C10orf67: variants seen among roughly 807,000 people sequenced by gnomAD.
C10orf67 encodes chromosome 10 open reading frame 67.
A neutral mutation model predicts 35.6 loss-of-function variants in C10orf67; 60 were observed. That is an observed-to-expected ratio of 1.68 (90% CI 1.37 to 2.09). The LOEUF is 2.09. Ranked by LOEUF, C10orf67 falls within the 30% of genes most tolerant of loss-of-function variation. C10orf67 has a pLI of 0.00. For synonymous variants in C10orf67, 167 were observed against 115.8 expected, an observed-to-expected ratio of 1.44 and a Z score of -2.84; for missense variants, 474 against 330.2, an observed-to-expected ratio of 1.44 and a Z score of -3.38.
intron 15 of C10orf67, among the ~76,000 whole-genome samples, chr10:23,210,405 G>A (rs1841275824): frequency 6.6e-6 from 1 of 152,114 alleles, no homozygotes; most frequent in Non-Finnish European, 1.5e-5. Flanking sequence ...TCTAAATGGA[G>A]TTAACCTCAG....
chr10:23,208,937 A>G (rs550940837), intron 15 of C10orf67, among the ~76,000 whole-genome samples: 15 of 152,048 alleles, frequency 9.9e-5, no homozygotes, highest in Admixed American at 8.5e-4. Context: ...AGGTCTGGTT[A>G]CCCCTGTCAC....
At chr10:23,233,049 C>T (rs1178983026) in intron 13 of C10orf67, among the ~76,000 whole-genome samples, 1 of 152,044 alleles carries the variant, frequency 6.6e-6, no homozygotes, top group Non-Finnish European at 1.5e-5. Flanking sequence ...CCCAGCTACT[C>T]AGGAGGCTGA....
In C10orf67 at chr10:23,300,751, C is replaced by A. The variant is rs1410710269; in HGVS notation, c.702+2553G>T. Reference sequence around the variant, plus strand: ...AGCAAATGTCTGCAGCACCAATCTCCATGTTCTGATTCTGTGTCCCAGTGA... The same window carrying A: ...AGCAAATGTCTGCAGCACCAATCTCAATGTTCTGATTCTGTGTCCCAGTGA... On this transcript the variant is annotated intron_variant, in intron 5 of 15. Transcript: ENST00000636213. Among the ~76,000 whole-genome samples, 3 of 152,140 alleles carry A rather than the reference C, an allele frequency of 2.0e-5. No individual in the cohort carries two copies. The East Asian group carries it at 5.8e-4, about 29-fold the overall frequency.
At chr10:23,228,698 G>A (rs1396988813) in intron 13 of C10orf67, among the ~76,000 whole-genome samples, 2 of 152,054 alleles carry the variant, frequency 1.3e-5, no homozygotes. Context: ...TTCTGACAAA[G>A]GGCTAATATC....
At chr10:23,278,574 T>C (rs533188555) in intron 8 of C10orf67, among the ~76,000 whole-genome samples, 188 of 152,232 alleles carry the variant, frequency 1.2e-3, no homozygotes, top group Middle Eastern at 6.8e-3. Context: ...GCCATCTCTA[T>C]AGAATGTGAT....
intron 13 of C10orf67, among the ~76,000 whole-genome samples, chr10:23,225,710 G>C (rs1841717157): frequency 6.6e-6 from 1 of 152,024 alleles, no homozygotes; most frequent in South Asian, 2.1e-4. Flanking sequence ...AAAAGGCAAG[G>C]GTTGCAATCC....
intron 5 of C10orf67, among the ~76,000 whole-genome samples, chr10:23,298,071 C>T (rs560406866): frequency 7.2e-5 from 11 of 152,100 alleles, no homozygotes; most frequent in Non-Finnish European, 1.3e-4. Flanking sequence ...CTGGCGAACA[C>T]GGTGAAACCC....
intron 10 of C10orf67, among the ~76,000 whole-genome samples, chr10:23,262,926 C>T (rs1842790068): frequency 1.3e-5 from 2 of 152,298 alleles, no homozygotes; most frequent in South Asian, 2.1e-4. Flanking sequence ...ATGATTTTGA[C>T]ATTTTATCTG....
intron 7 of C10orf67, among the ~76,000 whole-genome samples, chr10:23,287,480 A>G (rs1843580639): frequency 6.6e-6 from 1 of 152,356 alleles, no homozygotes; most frequent in South Asian, 2.1e-4. Flanking sequence ...TTAACTCAAG[A>G]TGAATTAAAG....
At chr10:23,285,659 C>T (rs1307880757) in intron 7 of C10orf67, among the ~76,000 whole-genome samples, 3 of 151,842 alleles carry the variant, frequency 2.0e-5, no homozygotes, top group African/African-American at 4.8e-5. Flanking sequence ...TGGGGAGCTA[C>T]GTTTTCATTG....
At chr10:23,332,941 G>C (rs557197493) in intron 2 of C10orf67, 121 bp downstream of exon 2, 1 of 966,742 alleles carries the variant, frequency 1.0e-6, no homozygotes, top group African/African-American at 1.7e-5. Context: ...TCATTCAGCT[G>C]TTTGTCAAAG....
intron 4 of C10orf67, among the ~76,000 whole-genome samples, chr10:23,316,560 G>C (rs752614345): frequency 2.6e-5 from 4 of 152,258 alleles, no homozygotes; most frequent in Non-Finnish European, 5.9e-5. Context: ...CACGCAGGAA[G>C]AATGAGATAT....
intron 8 of C10orf67, among the ~76,000 whole-genome samples, chr10:23,281,747 A>G (rs1018793144): frequency 3.9e-5 from 6 of 152,200 alleles, no homozygotes; most frequent in African/African-American, 1.2e-4. Context: ...CCATAATAAA[A>G]TGCAGAAATT....
At chr10:23,299,843 T>C (rs1000155359) in intron 5 of C10orf67, among the ~76,000 whole-genome samples, 1 of 151,890 alleles carries the variant, frequency 6.6e-6, no homozygotes, top group Non-Finnish European at 1.5e-5. Context: ...CCGGGTGTGG[T>C]GGCGGGCGCC....
intron 1 of C10orf67, among the ~76,000 whole-genome samples, chr10:23,338,432 G>A (rs2132411416): frequency 6.6e-6 from 1 of 152,264 alleles, no homozygotes; most frequent in Admixed American, 6.5e-5. Context: ...GCGACAGGTT[G>A]ATAGCACTGA....
intron 4 of C10orf67, among the ~76,000 whole-genome samples, chr10:23,315,768 T>G (rs1185039641): frequency 1.3e-5 from 2 of 152,114 alleles, no homozygotes; most frequent in African/African-American, 4.8e-5. Context: ...AATTCTGACT[T>G]ACTCTCTCAT....
intron 13 of C10orf67, among the ~76,000 whole-genome samples, chr10:23,225,949 G>C (rs1202599396): frequency 6.6e-6 from 1 of 151,886 alleles, no homozygotes; most frequent in East Asian, 1.9e-4. Context: ...CTGTCAACAA[G>C]AGACCTACAA....
intron 7 of C10orf67, among the ~76,000 whole-genome samples, chr10:23,282,670 A>C (rs1239279159): frequency 1.3e-5 from 2 of 152,146 alleles, no homozygotes; most frequent in East Asian, 1.9e-4. Context: ...ATTTCTACTA[A>C]AAATACAAAA....
rs376506807 is a variant in C10orf67, at chr10:23,301,995, C to T, written c.702+1309G>A. 3.3e-5 allele frequency among the ~76,000 whole-genome samples: 5 copies of T among 152,234 alleles called. No individual in the cohort carries two copies. The South Asian group carries it at 8.3e-4, about 25-fold the overall frequency. On this transcript the variant is annotated intron_variant, in intron 5 of 15. Transcript: ENST00000636213. ...CTGGATCCAGAGGGATGGAAGTCAG[C>T]GGTGGGTCTGCGATGGCGGCAAACA...
Sources: allele counts gnomAD v4.1 joint callset (sites outside exome capture counted in the v4.1 genomes callset), GRCh38; gene constraint gnomAD v4.1.1; transcripts MANE v1.5; gene names NCBI Gene and HGNC (gene_info 2026-07-23, HGNC 2026-07-21).